CYRIB: variants seen among roughly 807,000 people sequenced by gnomAD.
The protein encoded by CYRIB is CYFIP related Rac1 interactor B.
Under a neutral mutation model 44.2 loss-of-function variants are expected in CYRIB, and 8 were observed. The ratio of observed to expected loss-of-function variants is 0.18; its 90% CI spans 0.11 to 0.33. CYRIB has a LOEUF of 0.33. Ranked by LOEUF, CYRIB falls within the 10% of genes least tolerant of loss-of-function variation. The probability of loss-of-function intolerance (pLI) is 1.00; values close to 1 mark genes in which losing one functional copy is unlikely to be tolerated. For synonymous variants in CYRIB, 131 were observed against 127.2 expected, an observed-to-expected ratio of 1.03 and a Z score of -0.20; for missense variants, 185 against 382.8, an observed-to-expected ratio of 0.48 and a Z score of 4.31.
At chr8:129,903,983 T>A (rs1272028203) in intron 1 of CYRIB, among the ~76,000 whole-genome samples, 2 of 152,190 alleles carry the variant, frequency 1.3e-5, no homozygotes, top group Non-Finnish European at 2.9e-5. Context: ...CAATTCCTGG[T>A]GCTCAAGTGA....
intron 2 of CYRIB, among the ~76,000 whole-genome samples, chr8:129,953,635 C>T (rs564517012): frequency 2.6e-5 from 4 of 152,306 alleles, no homozygotes; most frequent in South Asian, 2.1e-4. Flanking sequence ...AGTGAGAGCA[C>T]GGAGCCTGGC....
chr8:129,994,859 G>A (rs984247676), intron 1 of CYRIB, among the ~76,000 whole-genome samples: 15 of 152,356 alleles, frequency 9.8e-5, no homozygotes, highest in Admixed American at 7.8e-4. Flanking sequence ...GTCACAGGAC[G>A]TCTGCTGCAG....
intron 1 of CYRIB, among the ~76,000 whole-genome samples, chr8:129,984,704 T>C (rs2096384031): frequency 6.6e-6 from 1 of 152,200 alleles, no homozygotes; most frequent in African/African-American, 2.4e-5. Flanking sequence ...GGACCCCACC[T>C]GTCCTCCTCA....
intron 1 of CYRIB, among the ~76,000 whole-genome samples, chr8:129,914,108 G>C (rs1443886464): frequency 6.6e-6 from 1 of 152,178 alleles, no homozygotes; most frequent in African/African-American, 2.4e-5. Flanking sequence ...TAGCTGTCCT[G>C]TGTTACTTCC....
chr8:129,969,069 A>G (rs2095596406), intron 2 of CYRIB, among the ~76,000 whole-genome samples: 1 of 120,682 alleles, frequency 8.3e-6, no homozygotes, highest in South Asian at 2.9e-4. Context: ...GCTAGAGTGC[A>G]GTGGCTTAAT....
At chr8:129,936,993 C>T (rs2092930691) in intron 1 of CYRIB, among the ~76,000 whole-genome samples, 1 of 152,232 alleles carries the variant, frequency 6.6e-6, no homozygotes, top group African/African-American at 2.4e-5. Flanking sequence ...AGGCGTGAGC[C>T]ACTGCGCCCA....
chr8:129,907,678 T>C (rs1197227491), intron 1 of CYRIB, among the ~76,000 whole-genome samples: 3 of 152,168 alleles, frequency 2.0e-5, no homozygotes, highest in African/African-American at 7.2e-5. Context: ...CTGTCAACCA[T>C]GTTTACAGCT....
intron 1 of CYRIB, among the ~76,000 whole-genome samples, chr8:130,006,409 A>C (rs981864808): frequency 6.7e-6 from 1 of 150,102 alleles, no homozygotes; most frequent in African/African-American, 2.5e-5. Context: ...TGAACCCAGG[A>C]GAGTGAGTCC....
chr8:129,857,800 G>C (rs1274768191), intron 5 of CYRIB, among the ~76,000 whole-genome samples: 1 of 152,152 alleles, frequency 6.6e-6, no homozygotes, highest in Non-Finnish European at 1.5e-5. Context: ...CTAAGTAAGA[G>C]AGACACCGAA....
intron 2 of CYRIB, among the ~76,000 whole-genome samples, chr8:129,880,838 T>G (rs977268976): frequency 6.6e-6 from 1 of 152,222 alleles, no homozygotes; most frequent in Non-Finnish European, 1.5e-5. Context: ...TTTTAAATAA[T>G]AGGGATATTT....
At chr8:130,010,845 C>CA (rs1376994252) in intron 1 of CYRIB, among the ~76,000 whole-genome samples, 1 of 152,162 alleles carries the variant, frequency 6.6e-6, no homozygotes, top group Non-Finnish European at 1.5e-5. Flanking sequence ...CCACTGCACT[C>CA]AAAGTATGGT....
intron 2 of CYRIB, among the ~76,000 whole-genome samples, chr8:129,963,971 C>A (rs1324224890): frequency 3.3e-5 from 5 of 152,186 alleles, no homozygotes; most frequent in Non-Finnish European, 7.3e-5. Context: ...ACAGCCCTTT[C>A]AAGATGAATA....
intron 2 of CYRIB, among the ~76,000 whole-genome samples, chr8:129,898,565 A>G (rs933181164): frequency 2.8e-4 from 43 of 152,226 alleles, no homozygotes; most frequent in African/African-American, 1.0e-3. Flanking sequence ...GGAATTTAAT[A>G]CAAGTGAAAT....
At chr8:129,969,807 T>C (rs548752949) in intron 2 of CYRIB, among the ~76,000 whole-genome samples, 3 of 152,198 alleles carry the variant, frequency 2.0e-5, no homozygotes, top group Admixed American at 6.5e-5. Flanking sequence ...TAAAAAGCCA[T>C]GAGAACAAAT....
At chr8:129,999,357 G>A (rs2096856304) in intron 1 of CYRIB, among the ~76,000 whole-genome samples, 1 of 152,228 alleles carries the variant, frequency 6.6e-6, no homozygotes, top group African/African-American at 2.4e-5. Flanking sequence ...ACAGGGAAGG[G>A]AAGGGAGGCT....
chr8:129,950,280 A>C (rs1161248585), intron 2 of CYRIB, among the ~76,000 whole-genome samples: 1 of 152,170 alleles, frequency 6.6e-6, no homozygotes, highest in Non-Finnish European at 1.5e-5. Flanking sequence ...CTATAAAATA[A>C]AGACAGTGTC....
At chr8:130,013,171 C>G in intron 1 of CYRIB, among the ~76,000 whole-genome samples, 1 of 152,188 alleles carries the variant, frequency 6.6e-6, no homozygotes, top group East Asian at 1.9e-4. Context: ...ATGGTGATCA[C>G]TATTATACGG....
intron 1 of CYRIB, among the ~76,000 whole-genome samples, chr8:129,938,732 AGAG>A (rs914868695): frequency 1.3e-5 from 2 of 152,362 alleles, no homozygotes; most frequent in South Asian, 2.1e-4. Flanking sequence ...GGAGGAATCC[AGAG>A]GAGTAGAAAG....
At chr8:129,931,206 T>C (rs1274895055) in intron 1 of CYRIB, among the ~76,000 whole-genome samples, 1 of 151,922 alleles carries the variant, frequency 6.6e-6, no homozygotes, top group African/African-American at 2.4e-5. Context: ...TCACTAACTA[T>C]GCTAGCCTCT....
Sources: allele counts gnomAD v4.1 joint callset (sites outside exome capture counted in the v4.1 genomes callset), GRCh38; gene constraint gnomAD v4.1.1; transcripts MANE v1.5; gene names NCBI Gene and HGNC (gene_info 2026-07-23, HGNC 2026-07-21).